The following MCM3AP variants were observed in gnomAD, a reference collection of about 807,000 sequenced individuals.
MCM3AP encodes the protein germinal-center associated nuclear protein.
In MCM3AP, 126 loss-of-function variants were observed where a neutral mutation model predicts 184.1. The ratio of observed to expected loss-of-function variants is 0.68; its 90% confidence interval spans 0.59 to 0.79. The LOEUF is 0.79. Ranked by LOEUF, MCM3AP falls within the 30% of genes least tolerant of loss-of-function variation. The pLI is 0.00. For missense variants in MCM3AP, 2,496 were observed against 2,479.2 expected (o/e 1.01, Z -0.14); for synonymous variants, 1,002 against 979.3 (o/e 1.02, Z -0.43).
chr21:46,285,001 T>C lies in MCM3AP; in HGVS notation c.286A>G (p.Thr96Ala). The C allele has an allele frequency of 5.0e-6, 8 of 1,614,106 alleles. No homozygotes were observed. The highest frequency in any genetic ancestry group is 6.8e-6 in the Non-Finnish European group (8 of 1,180,020). Residue 96 changes from threonine (T) to alanine (A), a missense_variant, in exon 1 of 28, where the codon ACC becomes GCC. Thr to Ala is a moderately conservative substitution (Grantham distance 58). This residue lies in a region of MCM3AP where 800 missense variants were observed against 717.1 expected (regional missense o/e 1.12). Transcript: ENST00000291688. ...ACAGATGAACTTGAAGGCCCAGAGG[T>C]AGCCACAAAGGTGGAAGTGTGCTCA... Reference protein sequence around the residue: ...GLEHTSTFVATSGPSSSSVLG... With the variant: ...GLEHTSTFVAASGPSSSSVLG...
At chr21:46,263,681 G>A (rs1314268891) in intron 13 of MCM3AP, among the ~76,000 whole-genome samples, 1 of 145,548 alleles carries the variant, frequency 6.9e-6, no homozygotes, top group Non-Finnish European at 1.5e-5. Context: ...TCGGGAAGCT[G>A]AGGCAGAAGA....
In MCM3AP at chr21:46,240,858, C is replaced by A. The variant is rs748656270; in HGVS notation, c.5586G>T (p.Ala1862=). The change falls in exon 26 of 28, where the codon GCG becomes GCT. Residue 1862 remains alanine (A), a synonymous_variant. Coordinates refer to ENST00000291688, the MANE Select transcript of MCM3AP (RefSeq NM_003906.5). ...GCAGCAGACTGCTCGACAAACACTG[C>A]GCCAAGAGCTCCTCAGCAGAAGCTC... is the stretch of plus-strand genomic sequence containing the variant. The part of the protein sequence containing the change: ...MRGASAEELL[A]QCLSSSLLLE... The A allele has an allele frequency of 1.2e-6, 2 of 1,614,204 alleles. No homozygotes were observed. The highest frequency in any genetic ancestry group is 1.7e-6 in the Non-Finnish European group (2 of 1,180,028).
Position 46,279,982 on chromosome 21 carries a change from A to T in MCM3AP, c.1667+11T>A, listed in dbSNP as rs1268583601. On this transcript the variant is annotated intron_variant, in intron 4 of 27. Coordinates refer to ENST00000291688, the MANE Select transcript of MCM3AP (RefSeq NM_003906.5). ...TTCCGGAATAAGGTCATTAGGAGGGACCGATCCCACCTTTTATTCAGGAGG... is the reference window on the plus strand; with the variant it reads ...TTCCGGAATAAGGTCATTAGGAGGGTCCGATCCCACCTTTTATTCAGGAGG... 1.2e-6 allele frequency: 2 copies of T among 1,607,886 alleles called. No homozygotes were observed. Among genetic ancestry groups the T allele is most frequent in the South Asian group, 1.1e-5 (1 of 90,562 alleles).
intron 9 of MCM3AP, among the ~76,000 whole-genome samples, chr21:46,269,994 C>T (rs2081160074): frequency 6.6e-6 from 1 of 152,154 alleles, no homozygotes; most frequent in Admixed American, 6.5e-5. Flanking sequence ...ACTGAGGCAC[C>T]CACTGAAAGG....
intron 19 of MCM3AP, 199 bp from the exon 20 acceptor site, chr21:46,251,881 CTTTTTTT>C (rs754670172): frequency 2.3e-4 from 30 of 127,740 alleles, no homozygotes; most frequent in South Asian, 5.0e-4. Context: ...TGTACTCGTT[CTTTTTTT>C]TTTTTTTTTT....
chr21:46,253,055 G>A (rs2080897038), intron 19 of MCM3AP: 1 of 152,144 alleles, frequency 6.6e-6, no homozygotes, highest in African/African-American at 2.4e-5. Context: ...GAGAAGATCA[G>A]TTGAGCCCAG....
chr21:46,265,304 A>C lies in MCM3AP; in HGVS notation c.3234+17T>G, dbSNP rs1394925528. 1 of 1,610,364 alleles carries C rather than the reference A, an allele frequency of 6.2e-7. No individual in the cohort carries two copies. Among genetic ancestry groups the C allele is most frequent in the Non-Finnish European group, 8.5e-7 (1 of 1,177,356 alleles). On this transcript the variant is annotated intron_variant, in intron 12 of 27. Transcript: ENST00000291688. ...TGGGCTTCCCAGAGTCCAGACCTAG[A>C]AAAAAAGAGTCCCTACCTCGTCAGA... is the stretch of plus-strand genomic sequence containing the variant.
At chr21:46,256,245 G>A (rs1271763809) in intron 17 of MCM3AP, among the ~76,000 whole-genome samples, 1 of 152,180 alleles carries the variant, frequency 6.6e-6, no homozygotes, top group Admixed American at 6.5e-5. Flanking sequence ...ATGGCCCTGA[G>A]GAGCCGGTTC....
At chr21:46,256,108 C>T (rs2080945123) in intron 17 of MCM3AP, among the ~76,000 whole-genome samples, 1 of 152,076 alleles carries the variant, frequency 6.6e-6, no homozygotes, top group African/African-American at 2.4e-5. Context: ...TCCAGGCTGC[C>T]TCCCCAGTCC....
Position 46,254,760 on chromosome 21 carries a change from G to A in MCM3AP, c.4001+16C>T. 1.2e-6 allele frequency: 2 copies of A among 1,610,744 alleles called. No homozygotes were observed. Among genetic ancestry groups the A allele is most frequent in the Non-Finnish European group, 1.7e-6 (2 of 1,177,136 alleles). On this transcript the variant is annotated intron_variant, in intron 18 of 27. Transcript: ENST00000291688. ...GGATCACCAGGGGGTGCGCAGAAGG[G>A]TGCAGCATGACAGACCTCAGCAGCT...
intron 4 of MCM3AP, among the ~76,000 whole-genome samples, chr21:46,279,057 C>T (rs1310419423): frequency 1.3e-5 from 2 of 150,966 alleles, no homozygotes; most frequent in East Asian, 1.9e-4. Context: ...ATGGTTTGGC[C>T]GGGCATGCAT....
At chr21:46,261,032 C>T (rs1381714466) in intron 14 of MCM3AP, 126 bp from the exon 15 acceptor site, 1 of 838,562 alleles carries the variant, frequency 1.2e-6, no homozygotes, top group Non-Finnish European at 1.9e-6. Flanking sequence ...GCCACCCCTA[C>T]TCCAGCTCCC....
In MCM3AP at chr21:46,267,020, G is replaced by A. The variant is rs572391172; in HGVS notation, c.2751C>T (p.Thr917=). 1.5e-5 allele frequency: 25 copies of A among 1,614,184 alleles called. No homozygotes were observed. The highest frequency in any genetic ancestry group is 1.3e-4 in the African/African-American group (10 of 75,060). The change falls in exon 10 of 28, where the codon ACC becomes ACT. Residue 917 remains threonine (T), a synonymous_variant. Transcript: ENST00000291688. ...TGAGGCCGTGGCAGGTGAGGAAGTC[G>A]GTGGCCTCTTCACAGTCTCTGAACA... The part of the protein sequence containing the change: ...MLLFRDCEEA[T]DFLTCHGLTV...
chr21:46,279,857 A>C (rs1055865150), intron 4 of MCM3AP, 136 bp downstream of exon 4: 2 of 751,286 alleles, frequency 2.7e-6, no homozygotes, highest in Non-Finnish European at 4.0e-6. Flanking sequence ...CTGCCCCTCC[A>C]CCCCCAACCA....
At chr21:46,263,341 A>AAAAC (rs1198956790) in intron 13 of MCM3AP, among the ~76,000 whole-genome samples, 1 of 152,158 alleles carries the variant, frequency 6.6e-6, no homozygotes, top group Non-Finnish European at 1.5e-5. Context: ...AAAACAAAAC[A>AAAAC]AAACAAACAA....
At chr21:46,255,009 G>A (rs939732115) in intron 17 of MCM3AP, among the ~76,000 whole-genome samples, 165 bp from the exon 18 acceptor site, 3 of 152,218 alleles carry the variant, frequency 2.0e-5, no homozygotes, top group Admixed American at 6.5e-5. Flanking sequence ...TATCCACTGT[G>A]TGCTGGCTAT....
At chr21:46,266,950 A>G in intron 10 of MCM3AP, 32 bp downstream of exon 10, 1 of 1,610,540 alleles carries the variant, frequency 6.2e-7, no homozygotes. Flanking sequence ...AAAAGGAGAC[A>G]GGGGCCCCAC....
At chr21:46,253,628 C>A (rs1471339192) in intron 19 of MCM3AP, 1 of 151,756 alleles carries the variant, frequency 6.6e-6, no homozygotes, top group African/African-American at 2.4e-5. Flanking sequence ...GTGACAACTC[C>A]CCTTCGCTGT....
chr21:46,243,759 C>T (rs758198858), intron 23 of MCM3AP, 37 bp from the exon 24 acceptor site: 1 of 1,603,462 alleles, frequency 6.2e-7, no homozygotes, highest in South Asian at 1.1e-5. Context: ...CAGGTTTGGC[C>T]AAAATACAGG....
Sources: allele counts gnomAD v4.1 joint callset (sites outside exome capture counted in the v4.1 genomes callset), GRCh38; gene constraint gnomAD v4.1.1; regional missense constraint gnomAD v4.1.1; transcripts MANE v1.5; gene names NCBI Gene and HGNC (gene_info 2026-07-23, HGNC 2026-07-21).